Variants in ADGRV1 observed in about 807,000 individuals in gnomAD.
ADGRV1 encodes the protein adhesion G protein-coupled receptor V1.
A neutral mutation model predicts 596.2 loss-of-function variants in ADGRV1; 359 were observed. The observed-to-expected ratio is 0.60, with a 90% CI of 0.55 to 0.66. The LOEUF is 0.66. ADGRV1 is among the 30% of genes least tolerant of loss of function. The pLI is 0.00. For missense variants in ADGRV1, 7,274 were observed against 7,575.6 expected (o/e 0.96, Z 1.48); for synonymous variants, 2,681 against 2,679.2 (o/e 1.00, Z -0.02).
At chr5:90,595,372 C>A in intron 1 of ADGRV1, among the ~76,000 whole-genome samples, 1 of 45,426 alleles carries the variant, frequency 2.2e-5, no homozygotes, top group Admixed American at 1.5e-4. Flanking sequence ...GACGGGGCGG[C>A]TGGCCGGGTG....
chr5:90,756,325 A>G (rs1418989664), intron 55 of ADGRV1, 129 bp from the exon 56 acceptor site: 7 of 576,250 alleles, frequency 1.2e-5, no homozygotes, highest in Middle Eastern at 2.8e-4. Flanking sequence ...AATCTTTTTT[A>G]TGTTTGACAG....
Position 90,848,638 on chromosome 5 carries a change from T to C in ADGRV1, c.17021T>C (p.Ile5674Thr). Residue 5674 changes from isoleucine to threonine, a missense_variant and splice_region_variant, in exon 79 of 90, where the codon ATA (isoleucine) becomes ACA (threonine). Transcript: ENST00000405460. Reference sequence around the variant, plus strand: ...TTTATACTTAGATTCTTTTTCCAGATAACTACTGAAGGAAAAATTCAAGCT... The same window carrying C: ...TTTATACTTAGATTCTTTTTCCAGACAACTACTGAAGGAAAAATTCAAGCT... The part of the protein sequence containing the change: ...LSAMMHLIEK[I>T]TTEGKIQAFS... The C allele has an allele frequency of 6.8e-7, 1 of 1,461,284 alleles. No homozygotes were observed. The highest frequency in any genetic ancestry group is 9.0e-7 in the Non-Finnish European group (1 of 1,108,150). 90.5% of individuals were successfully genotyped at this position (1,461,284 alleles called of 1,614,324 possible).
chr5:90,777,464 C>T (rs1477592542), intron 61 of ADGRV1, among the ~76,000 whole-genome samples: 2 of 152,100 alleles, frequency 1.3e-5, no homozygotes, highest in Non-Finnish European at 2.9e-5. Flanking sequence ...CTATCAATGG[C>T]ATAGCTGGGT....
At chr5:91,103,388 A>T (rs982544064) in intron 87 of ADGRV1, among the ~76,000 whole-genome samples, 3 of 151,386 alleles carry the variant, frequency 2.0e-5, no homozygotes, top group African/African-American at 7.3e-5. Context: ...CTGATGATTC[A>T]AAGAGTGAAC....
intron 59 of ADGRV1, among the ~76,000 whole-genome samples, chr5:90,773,268 A>G (rs1232340025): frequency 2.6e-5 from 4 of 152,094 alleles, no homozygotes; most frequent in Non-Finnish European, 4.4e-5. Context: ...TGCATTTTAG[A>G]GTGAATAATA....
intron 67 of ADGRV1, among the ~76,000 whole-genome samples, chr5:90,786,416 C>T (rs1407434556): frequency 6.6e-6 from 1 of 152,128 alleles, no homozygotes; most frequent in Non-Finnish European, 1.5e-5. Context: ...TAAAAGATTT[C>T]ATTCTAAGTG....
chr5:90,841,759 T>C (rs1765452428), intron 78 of ADGRV1, among the ~76,000 whole-genome samples: 1 of 152,210 alleles, frequency 6.6e-6, no homozygotes, highest in African/African-American at 2.4e-5. Flanking sequence ...AATTACTACA[T>C]CTCTTACATA....
At chr5:90,752,625 A>G (rs901511400) in intron 53 of ADGRV1, among the ~76,000 whole-genome samples, 2 of 152,258 alleles carry the variant, frequency 1.3e-5, no homozygotes, top group Admixed American at 1.3e-4. Context: ...TGCAAAAGAC[A>G]TGATCTCATT....
At chr5:90,574,738 G>A (rs1451325462) in intron 1 of ADGRV1, among the ~76,000 whole-genome samples, 1 of 152,122 alleles carries the variant, frequency 6.6e-6, no homozygotes, top group African/African-American at 2.4e-5. Flanking sequence ...TGGTTGTTAG[G>A]TTCCTTATCA....
At chr5:90,681,693 T>G (rs1028980931) in intron 27 of ADGRV1, among the ~76,000 whole-genome samples, 1 of 152,152 alleles carries the variant, frequency 6.6e-6, no homozygotes, top group Non-Finnish European at 1.5e-5. Context: ...AGGAACATAA[T>G]GGAGCTGTAC....
In ADGRV1 at chr5:90,779,074, T is replaced by G; in HGVS notation, c.13059T>G (p.Ile4353Met). ...GCCCAGAGGAATTTTCTCTAACAAT[T>G]ACAAAGGTGGAACTCCAGGGAAGGT... ...PEGPEEFSLTITKVELQGRGY... is the reference protein window; with the variant it reads ...PEGPEEFSLTMTKVELQGRGY... The change falls in exon 64 of 90, where the codon ATT becomes ATG. Residue 4353 changes from isoleucine to methionine, a missense_variant. Physicochemically the swap from Ile to Met is conservative, Grantham distance 10. This residue lies in a region of ADGRV1 where 3,643 missense variants were observed against 3,809.2 expected (regional missense o/e 0.96). Coordinates refer to ENST00000405460, the MANE Select transcript of ADGRV1 (RefSeq NM_032119.4). 6.2e-7 allele frequency: 1 copy of G among 1,610,296 alleles called. No individual in the cohort carries two copies. Among genetic ancestry groups the G allele is most frequent in the Non-Finnish European group, 8.5e-7 (1 of 1,176,920 alleles).
chr5:90,864,957 A>C (rs945504469), intron 83 of ADGRV1, among the ~76,000 whole-genome samples: 4 of 152,122 alleles, frequency 2.6e-5, no homozygotes, highest in African/African-American at 9.7e-5. Context: ...CATTTATTGA[A>C]CTCTGGATAG....
intron 68 of ADGRV1, 88 bp downstream of exon 68, chr5:90,788,398 T>G: frequency 1.6e-6 from 2 of 1,252,398 alleles, no homozygotes; most frequent in Non-Finnish European, 2.2e-6. Flanking sequence ...TCTATAAGCT[T>G]GTGATAAATT....
rs539747361 is a variant in ADGRV1, at chr5:90,774,243, G to C, written c.12343G>C (p.Asp4115His). The C allele has an allele frequency of 1.9e-6, 3 of 1,611,820 alleles. No individual in the cohort carries two copies. The African/African-American group carries it at 4.0e-5, about 22-fold the overall frequency. The stretch of plus-strand genomic sequence containing the variant: ...ACTTCAAGACACAGTGTTGGAGGAG[G>C]ACAGGCGTTTCACCATTCAGCTGAT... ...HTLQDTVLEE[D>H]RRFTIQLISI... Residue 4115 changes from aspartate to histidine, a missense_variant, in exon 60 of 90, where the codon GAC (aspartate) becomes CAC (histidine). Transcript: ENST00000405460.
At chr5:90,885,049 C>T (rs1390547472) in intron 83 of ADGRV1, among the ~76,000 whole-genome samples, 2 of 151,986 alleles carry the variant, frequency 1.3e-5, no homozygotes, top group African/African-American at 4.8e-5. Flanking sequence ...CCATGCAGCC[C>T]CACATTGTTT....
chr5:91,092,970 G>A (rs1019571394), intron 86 of ADGRV1, among the ~76,000 whole-genome samples: 5 of 151,532 alleles, frequency 3.3e-5, no homozygotes, highest in Admixed American at 2.6e-4. Flanking sequence ...CCTCTCTGGA[G>A]TGCAGATCCA....
intron 29 of ADGRV1, 120 bp downstream of exon 29, chr5:90,686,115 A>T: frequency 6.5e-6 from 3 of 462,450 alleles, no homozygotes; most frequent in Non-Finnish European, 1.0e-5. Context: ...GAAAACTAGA[A>T]ATACTCTTGT....
rs1356420517 is a variant in ADGRV1, at chr5:90,629,264, C to T, written c.1564C>T (p.Pro522Ser). 5.0e-6 allele frequency: 8 copies of T among 1,609,120 alleles called. No individual in the cohort carries two copies. Among genetic ancestry groups the T allele is most frequent in the Non-Finnish European group, 6.8e-6 (8 of 1,178,210 alleles). The change falls in exon 9 of 90, where the codon CCT becomes TCT. Residue 522 changes from proline to serine, a missense_variant. Transcript: ENST00000405460. The stretch of plus-strand genomic sequence containing the variant: ...TGTCTATGGCCTAATAACATTTTTT[C>T]CTATGGAAAACCAGAAGATTGAAAG... Reference protein sequence around the residue: ...DDVYGLITFFPMENQKIESSP... With the variant: ...DDVYGLITFFSMENQKIESSP...
intron 21 of ADGRV1, among the ~76,000 whole-genome samples, chr5:90,669,735 A>G (rs937346575): frequency 7.0e-6 from 1 of 142,992 alleles, no homozygotes; most frequent in Non-Finnish European, 1.5e-5. Flanking sequence ...TGTTTGAGGT[A>G]TGTGTTTGAG....
Sources: gnomAD v4.1 joint callset for allele counts (sites outside exome capture counted in the v4.1 genomes callset) on GRCh38, gnomAD v4.1.1 for gene constraint, gnomAD v4.1.1 regional missense constraint, MANE v1.5 for transcripts, NCBI Gene and HGNC (gene_info 2026-07-23, HGNC 2026-07-21) for gene names.